The following KCTD1 variants were observed in gnomAD, a reference collection of about 807,000 sequenced individuals.
KCTD1 encodes the protein BTB/POZ domain-containing protein KCTD1.
Under a neutral mutation model 66.0 loss-of-function variants are expected in KCTD1, and 24 were observed. The ratio of observed to expected loss-of-function variants is 0.36; its 90% CI spans 0.26 to 0.51. The LOEUF (loss-of-function observed/expected upper bound fraction) is 0.51. KCTD1 is among the 20% of genes least tolerant of loss of function. The pLI is 0.95. For synonymous variants in KCTD1, 511 were observed against 517.2 expected (o/e 0.99, Z 0.16); for missense variants, 943 against 1,205.2 (o/e 0.78, Z 3.22).
At chr18:26,603,078 A>T (rs1986933091) in intron 1 of KCTD1, among the ~76,000 whole-genome samples, 1 of 152,122 alleles carries the variant, frequency 6.6e-6, no homozygotes, top group South Asian at 2.1e-4. Flanking sequence ...TATGCAGAAG[A>T]TTGAAGCTGA....
intron 1 of KCTD1, among the ~76,000 whole-genome samples, chr18:26,521,372 T>G (rs1018098562): frequency 6.6e-6 from 1 of 152,206 alleles, no homozygotes; most frequent in Non-Finnish European, 1.5e-5. Context: ...AACGCTCTTT[T>G]GCAAAAGCTC....
chr18:26,625,908 G>T (rs1257912599), intron 1 of KCTD1, among the ~76,000 whole-genome samples: 1 of 152,100 alleles, frequency 6.6e-6, no homozygotes, highest in Non-Finnish European at 1.5e-5. Flanking sequence ...TACAACTGTT[G>T]CCTTGGAGAG....
intron 1 of KCTD1, among the ~76,000 whole-genome samples, chr18:26,567,341 C>G (rs530805593): frequency 6.6e-6 from 1 of 152,310 alleles, no homozygotes; most frequent in Admixed American, 6.5e-5. Context: ...AACAACCACT[C>G]TGGAATCTAT....
chr18:26,482,298 A>T (rs1981689428), intron 2 of KCTD1, among the ~76,000 whole-genome samples: 1 of 152,152 alleles, frequency 6.6e-6, no homozygotes, highest in Admixed American at 6.5e-5. Flanking sequence ...TCATTGGTAG[A>T]CTGAGAAGAT....
chr18:26,550,565 G>GACAC (rs60922405), upstream of KCTD1, among the ~76,000 whole-genome samples: 37,773 of 140,270 alleles, frequency 0.27, 5,018 homozygotes, highest in South Asian at 0.31. The surrounding 1 kb of genome is among the most constrained non-coding windows in gnomAD (Gnocchi z 5.4). Context: ...AAGACACACA[G>GACAC]ACACACACAC....
intron 1 of KCTD1, among the ~76,000 whole-genome samples, chr18:26,557,510 C>G (rs781778068): frequency 6.6e-6 from 1 of 152,148 alleles, no homozygotes; most frequent in Non-Finnish European, 1.5e-5. Context: ...AGCTGAATTA[C>G]CTGGAGAACT....
chr18:26,547,792 C>A lies in KCTD1; in HGVS notation c.745G>T (p.Asp249Tyr). The stretch of plus-strand genomic sequence containing the variant: ...CGCAGCTCGGGGTCCTTGGTGAGGT[C>A]GAGCGTGCGGCAGTACGGGGGCTCA... ...LNEPPYCRTL[D>Y]LTKDPELRSA... The change falls in exon 1 of 5, where the codon GAC becomes TAC. Residue 249 changes from aspartate (D) to tyrosine (Y), a missense_variant. Physicochemically the swap from Asp to Tyr is radical, Grantham distance 160. This residue lies in a region of KCTD1 where 61 missense variants were observed against 109.6 expected (regional missense o/e 0.56). Coordinates refer to ENST00000580059, the MANE Select transcript of KCTD1 (RefSeq NM_001142730.3). 3 of 1,541,204 alleles carry A rather than the reference C, an allele frequency of 1.9e-6. No homozygotes were observed. The highest frequency in any genetic ancestry group is 1.2e-5 in the South Asian group (1 of 84,044).
intron 1 of KCTD1, among the ~76,000 whole-genome samples, chr18:26,514,277 G>A (rs1348570596): frequency 2.0e-5 from 3 of 152,148 alleles, no homozygotes; most frequent in African/African-American, 7.2e-5. Flanking sequence ...AGAGAGCCAA[G>A]CACAGTGGCT....
chr18:26,483,270 C>CT (rs1981742375), intron 2 of KCTD1, among the ~76,000 whole-genome samples: 1 of 152,032 alleles, frequency 6.6e-6, no homozygotes, highest in African/African-American at 2.4e-5. Flanking sequence ...TCTTTCTTTT[C>CT]TTTTTTCTTT....
chr18:26,558,768 A>G (rs538752568), intron 1 of KCTD1, among the ~76,000 whole-genome samples: 1 of 152,076 alleles, frequency 6.6e-6, no homozygotes, highest in African/African-American at 2.4e-5. Flanking sequence ...CTAAAAATAC[A>G]AAAAATTAGC....
chr18:26,505,034 C>A (rs1451599354), intron 1 of KCTD1, among the ~76,000 whole-genome samples: 1 of 152,274 alleles, frequency 6.6e-6, no homozygotes, highest in Non-Finnish European at 1.5e-5. Flanking sequence ...AGCCTCCCAC[C>A]TCTAGATTTC....
intron 2 of KCTD1, among the ~76,000 whole-genome samples, chr18:26,488,182 C>A (rs570887269): frequency 8.0e-5 from 12 of 149,680 alleles, no homozygotes; most frequent in Non-Finnish European, 1.6e-4. Flanking sequence ...AAGAATGGAA[C>A]TTCATTTTTT....
chr18:26,549,303 G>C, upstream of KCTD1: 1 of 985,308 alleles, frequency 1.0e-6, no homozygotes, highest in Non-Finnish European at 1.2e-6. Flanking sequence ...CTCCCTTTCC[G>C]ACTCTTGCAA....
intron 1 of KCTD1, among the ~76,000 whole-genome samples, chr18:26,604,519 A>T (rs1986969179): frequency 6.6e-6 from 1 of 152,164 alleles, no homozygotes; most frequent in Admixed American, 6.6e-5. Flanking sequence ...AAATGTCTAT[A>T]AAGAAAATGT....
intron 1 of KCTD1, among the ~76,000 whole-genome samples, chr18:26,654,543 G>A (rs1279987653): frequency 3.9e-5 from 6 of 152,198 alleles, no homozygotes; most frequent in East Asian, 1.9e-4. Context: ...CTAGAAGAGA[G>A]ACATCTAGTG....
chr18:26,481,865 T>TA (rs1057401471), intron 2 of KCTD1, among the ~76,000 whole-genome samples: 42 of 152,114 alleles, frequency 2.8e-4, no homozygotes, highest in African/African-American at 7.0e-4. Context: ...GTATTTTTTT[T>TA]AAAAAAAACT....
intron 1 of KCTD1, among the ~76,000 whole-genome samples, chr18:26,620,348 T>TAAAAAAAAAA (rs10594272): frequency 1.1e-5 from 1 of 87,206 alleles, no homozygotes; most frequent in African/African-American, 5.5e-5. Context: ...AGGTAAATCT[T>TAAAAAAAAAA]AAAAAAAAAA....
At chr18:26,600,297 T>A in intron 1 of KCTD1, 1 of 1,602,366 alleles carries the variant, frequency 6.2e-7, no homozygotes, top group Non-Finnish European at 8.5e-7. Context: ...CCTTCAAACC[T>A]GGGGAAAAGG....
intron 1 of KCTD1, among the ~76,000 whole-genome samples, chr18:26,580,234 C>T (rs559917470): frequency 2.8e-4 from 42 of 152,140 alleles, no homozygotes; most frequent in South Asian, 8.3e-4. Flanking sequence ...AAGAATCACG[C>T]GAATGCATAA....
Sources: gnomAD v4.1 joint callset for allele counts (sites outside exome capture counted in the v4.1 genomes callset) on GRCh38, gnomAD v4.1.1 for gene constraint, gnomAD v4.1.1 regional missense constraint, Gnocchi (gnomAD v3.1) non-coding constraint, MANE v1.5 for transcripts, NCBI Gene and HGNC (gene_info 2026-07-23, HGNC 2026-07-21) for gene names.